The following KDM4C variants were observed in gnomAD, a reference collection of about 807,000 sequenced individuals.
The protein encoded by KDM4C is lysine demethylase 4C, also known as lysine-specific demethylase 4C.
A neutral mutation model predicts 129.3 loss-of-function variants in KDM4C; 81 were observed. The ratio of observed to expected loss-of-function variants is 0.63; its 90% CI spans 0.52 to 0.75. KDM4C has a LOEUF of 0.75. Ranked by LOEUF, KDM4C falls within the 30% of genes least tolerant of loss-of-function variation. The pLI is 0.00. For synonymous variants in KDM4C, 573 were observed against 456.1 expected (o/e 1.26, Z -3.26); for missense variants, 1,457 against 1,304.0 (o/e 1.12, Z -1.81).
At position 6,900,840 on chromosome 9, in the gene KDM4C, A is replaced by C. The variant is rs560249199; in HGVS notation, c.921+7608A>C. Among the ~76,000 whole-genome samples, 9 of 152,210 alleles carry C rather than the reference A, an allele frequency of 5.9e-5. No homozygotes were observed. In the South Asian group the frequency reaches 1.9e-3, roughly 32 times the overall value. The stretch of plus-strand genomic sequence containing the variant: ...ATCAAGTGTGTGTGGGGAAGTTCTG[A>C]GGCATCTGTCTGGATAAAAGGACTT... On this transcript the variant is annotated intron_variant, in intron 8 of 21. Transcript: ENST00000381309.
rs567968265 is a variant in KDM4C at position 6,826,035 on chromosome 9, C to T, written c.435+11290C>T. On this transcript the variant is annotated intron_variant, in intron 4 of 21. Coordinates refer to ENST00000381309, the MANE Select transcript of KDM4C (RefSeq NM_015061.6). ...CTATATTGCCCAGGCTGATCTCAAA[C>T]TCCTGGCTTCAAGTGATCTTCCTGC... is the stretch of plus-strand genomic sequence containing the variant. Among the ~76,000 whole-genome samples the T allele has an allele frequency of 2.0e-5, 3 of 152,306 alleles. No homozygotes were observed. The East Asian group carries it at 5.8e-4, about 29-fold the overall frequency.
chr9:7,150,693 C>G (rs897032350), intron 19 of KDM4C, among the ~76,000 whole-genome samples: 1 of 152,154 alleles, frequency 6.6e-6, no homozygotes, highest in Admixed American at 6.5e-5. Context: ...CCTGCAGGCC[C>G]TTTTGGGTGT....
intron 2 of KDM4C, among the ~76,000 whole-genome samples, chr9:6,803,902 G>T (rs564132805): frequency 2.0e-5 from 3 of 152,142 alleles, no homozygotes; most frequent in Non-Finnish European, 2.9e-5. Context: ...GCTCACTGCA[G>T]CCTCCACCTC....
At position 6,818,094 on chromosome 9, in the gene KDM4C, G is replaced by A. The variant is rs189645757; in HGVS notation, c.435+3349G>A. ...AATATCCTTTTTATGATTTCCTTTT[G>A]GTCTTTCTGTTTTATGTGAGTGTAT... On this transcript the variant is annotated intron_variant, in intron 4 of 21. Transcript: ENST00000381309. Among the ~76,000 whole-genome samples the A allele has an allele frequency of 1.2e-3, 187 of 152,148 alleles. 1 individual carries two copies. The highest frequency in any genetic ancestry group is 4.4e-3 in the African/African-American group (183 of 41,536).
At chr9:6,911,793 G>C (rs1447927853) in intron 8 of KDM4C, among the ~76,000 whole-genome samples, 1 of 152,208 alleles carries the variant, frequency 6.6e-6, no homozygotes, top group East Asian at 1.9e-4. Flanking sequence ...AATGTTTCTG[G>C]CTCTGCATAA....
intron 1 of KDM4C, among the ~76,000 whole-genome samples, chr9:6,778,627 C>T (rs939062197): frequency 5.3e-5 from 8 of 151,434 alleles, no homozygotes; most frequent in Non-Finnish European, 1.0e-4. Flanking sequence ...ATTAGCGGGG[C>T]GTGGTGGCAC....
intron 15 of KDM4C, among the ~76,000 whole-genome samples, chr9:7,032,635 A>G (rs1826969148): frequency 6.6e-6 from 1 of 152,200 alleles, no homozygotes. Context: ...ACAACTAATG[A>G]ACCGGAGGGT....
chr9:6,868,704 A>G (rs911555596), intron 5 of KDM4C, among the ~76,000 whole-genome samples: 41 of 151,672 alleles, frequency 2.7e-4, no homozygotes, highest in African/African-American at 9.4e-4. Flanking sequence ...CCCTCCACGT[A>G]TTTTTGATCT....
intron 12 of KDM4C, among the ~76,000 whole-genome samples, chr9:7,004,908 T>C (rs1821379107): frequency 6.6e-6 from 1 of 152,206 alleles, no homozygotes; most frequent in Non-Finnish European, 1.5e-5. Context: ...CCTGACCCAA[T>C]GACTGATGAA....
rs541094147 is a variant in KDM4C, at chr9:6,840,261, T to C, written c.436-9246T>C. On this transcript the variant is annotated intron_variant, in intron 4 of 21. Transcript: ENST00000381309. ...CTAATTATTGTGTATTTTATAGAAATGGGGTTTTGCTATGTTGTCCTGGCT... is the reference window on the plus strand; with the variant it reads ...CTAATTATTGTGTATTTTATAGAAACGGGGTTTTGCTATGTTGTCCTGGCT... 2.7e-5 allele frequency among the ~76,000 whole-genome samples: 4 copies of C among 150,602 alleles called. No individual in the cohort carries two copies. In the South Asian group the frequency reaches 8.4e-4, roughly 32 times the overall value.
chr9:7,054,196 TC>T (rs1244435869), intron 17 of KDM4C, among the ~76,000 whole-genome samples: 10 of 152,194 alleles, frequency 6.6e-5, no homozygotes, highest in Non-Finnish European at 1.5e-4. Context: ...CGTTTCCTTC[TC>T]CCCGTAGCCC....
At chr9:6,919,361 C>T (rs750441053) in intron 8 of KDM4C, among the ~76,000 whole-genome samples, 37 of 148,818 alleles carry the variant, frequency 2.5e-4, no homozygotes, top group Non-Finnish European at 3.3e-4. Flanking sequence ...TATTATCTCC[C>T]ATTATGTAAG....
At chr9:6,721,021 C>T (rs916682811) in intron 1 of KDM4C, 1 of 1,546,496 alleles carries the variant, frequency 6.5e-7, no homozygotes, top group Non-Finnish European at 8.8e-7. Flanking sequence ...TGAACATAAT[C>T]CAGGACACTT....
chr9:6,930,310 G>T (rs889271849), intron 8 of KDM4C, among the ~76,000 whole-genome samples: 1 of 152,044 alleles, frequency 6.6e-6, no homozygotes, highest in African/African-American at 2.4e-5. Flanking sequence ...TCACTGACTT[G>T]TCAACATGAG....
rs564531214 is a variant in KDM4C, at chr9:6,926,334, T to C, written c.921+33102T>C. ...AAGTGGAGAAGCAGTTGTAGAGAGA[T>C]AATTTGTAAAAAAAAAAAAAAGGAC... On this transcript the variant is annotated intron_variant, in intron 8 of 21. Coordinates refer to ENST00000381309, the MANE Select transcript of KDM4C (RefSeq NM_015061.6). 3.7e-4 allele frequency among the ~76,000 whole-genome samples: 15 copies of C among 40,320 alleles called. No individual in the cohort carries two copies. The South Asian group carries it at 0.017, about 45-fold the overall frequency. The allele number at this position is 40,320 out of a possible 152,430, so 26.5% of individuals were successfully genotyped here. A position where few individuals can be genotyped will look rare whatever the true frequency, so the allele number is the denominator to read the frequency against.
At chr9:7,031,901 C>G (rs183995264) in intron 15 of KDM4C, among the ~76,000 whole-genome samples, 25 of 152,308 alleles carry the variant, frequency 1.6e-4, no homozygotes, top group African/African-American at 5.1e-4. Flanking sequence ...TCCCACTCCC[C>G]TAGTACTGCT....
At chr9:6,919,567 CTATCTATCTATCTATCTATCTATCTAGG>C (rs1821080677) in intron 8 of KDM4C, among the ~76,000 whole-genome samples, 1 of 150,840 alleles carries the variant, frequency 6.6e-6, no homozygotes, top group African/African-American at 2.4e-5. Context: ...ATCTATCTAT[CTATCTATCTATCTATCTATCTATCTAGG>C]ATGGAGTTTC....
chr9:7,040,335 C>T (rs929797512), intron 15 of KDM4C, among the ~76,000 whole-genome samples: 5 of 150,278 alleles, frequency 3.3e-5, no homozygotes, highest in Non-Finnish European at 5.9e-5. Context: ...CCCTCCCTCC[C>T]TCCCTTCCTC....
At chr9:6,793,199 C>G (rs1827052146) in intron 2 of KDM4C, 67 bp downstream of exon 2, 1 of 1,540,510 alleles carries the variant, frequency 6.5e-7, no homozygotes, top group Admixed American at 1.8e-5. Context: ...TCTTAGTTTT[C>G]ACGATTTGGG....
Sources: gnomAD v4.1 joint callset for allele counts (sites outside exome capture counted in the v4.1 genomes callset) on GRCh38, gnomAD v4.1.1 for gene constraint, MANE v1.5 for transcripts, NCBI Gene and HGNC (gene_info 2026-07-23, HGNC 2026-07-21) for gene names.